CFAP54: variants seen among roughly 807,000 people sequenced by gnomAD.
CFAP54 encodes the protein cilia and flagella associated protein 54, also known as cilia- and flagella-associated protein 54.
CFAP54 carries 290 observed loss-of-function variants against 370.4 expected under a neutral mutation model. The observed-to-expected ratio is 0.78, with a 90% CI of 0.71 to 0.86. CFAP54 has a LOEUF of 0.86. Among genes scored for constraint, CFAP54 ranks in the 40% least tolerant of loss-of-function variants. The pLI is 0.00. For missense variants in CFAP54, 3,399 were observed against 3,528.7 expected (o/e 0.96, Z 0.93); for synonymous variants, 1,206 against 1,236.5 (o/e 0.98, Z 0.52).
chr12:96,527,758 G>A (rs951080744), intron 9 of CFAP54, among the ~76,000 whole-genome samples: 2 of 151,824 alleles, frequency 1.3e-5, no homozygotes, highest in African/African-American at 2.4e-5. Context: ...TTGTAGAGAC[G>A]GGGTCTCACC....
At chr12:96,548,947 C>T (rs1955667303) in intron 15 of CFAP54, among the ~76,000 whole-genome samples, 1 of 151,966 alleles carries the variant, frequency 6.6e-6, no homozygotes, top group Non-Finnish European at 1.5e-5. Context: ...CTCTGCCTTC[C>T]AGGTTCAAGC....
Position 96,598,628 on chromosome 12 carries a change from G to A in CFAP54, c.3517-17G>A. 2 of 598,568 alleles carry A rather than the reference G, an allele frequency of 3.3e-6. No individual in the cohort carries two copies. The highest frequency in any genetic ancestry group is 2.1e-5 in the South Asian group (1 of 48,130). 37.1% of individuals were successfully genotyped at this position (598,568 alleles called of 1,614,324 possible). A position where few individuals can be genotyped will look rare whatever the true frequency, so the allele number is the denominator to read the frequency against. ...ATGACATTTTAAAACAAAAATCATTGTGATTCTAATTTTTAGATCCTGATA... is the reference window on the plus strand; with the variant it reads ...ATGACATTTTAAAACAAAAATCATTATGATTCTAATTTTTAGATCCTGATA... On this transcript the variant is annotated splice_polypyrimidine_tract_variant and intron_variant, in intron 25 of 67. Transcript: ENST00000524981.
chr12:96,681,646 A>G (rs1957273181), intron 40 of CFAP54, among the ~76,000 whole-genome samples: 1 of 151,688 alleles, frequency 6.6e-6, no homozygotes, highest in East Asian at 1.9e-4. Flanking sequence ...GCTTACTGCA[A>G]ACTCTGCCTT....
chr12:96,525,665 A>T (rs926160769), intron 8 of CFAP54, among the ~76,000 whole-genome samples: 4 of 152,190 alleles, frequency 2.6e-5, no homozygotes, highest in Non-Finnish European at 5.9e-5. Flanking sequence ...CTGTAAGAAA[A>T]GAGAAGGTAG....
At chr12:96,505,028 CTCTT>C (rs1955081136) in intron 3 of CFAP54, among the ~76,000 whole-genome samples, 1 of 108,492 alleles carries the variant, frequency 9.2e-6, no homozygotes, top group South Asian at 2.8e-4. Context: ...TTCTTTTCTT[CTCTT>C]TCTTTCTTTT....
intron 11 of CFAP54, among the ~76,000 whole-genome samples, chr12:96,534,681 G>T (rs563467837): frequency 6.6e-6 from 1 of 152,134 alleles, no homozygotes; most frequent in Non-Finnish European, 1.5e-5. Context: ...GTTATTGTGT[G>T]TATAATTGAA....
intron 14 of CFAP54, among the ~76,000 whole-genome samples, chr12:96,546,495 G>T (rs1955641512): frequency 6.6e-6 from 1 of 152,054 alleles, no homozygotes; most frequent in Non-Finnish European, 1.5e-5. Context: ...TCAGCCAAGA[G>T]AATTTTTCTA....
chr12:96,525,079 G>A (rs1029432278), intron 8 of CFAP54, among the ~76,000 whole-genome samples: 1 of 151,890 alleles, frequency 6.6e-6, no homozygotes, highest in African/African-American at 2.4e-5. Context: ...TCCAAAATGA[G>A]TATTCCTATT....
intron 20 of CFAP54, 33 bp from the exon 21 acceptor site, chr12:96,580,564 C>G: frequency 2.4e-6 from 3 of 1,264,734 alleles, no homozygotes; most frequent in Non-Finnish European, 2.1e-6. Context: ...TAAAAGAATG[C>G]CTTTTAAACA....
intron 5 of CFAP54, among the ~76,000 whole-genome samples, chr12:96,516,114 A>G (rs1387526019): frequency 1.3e-5 from 2 of 151,628 alleles, no homozygotes; most frequent in African/African-American, 4.8e-5. Context: ...ACAGGGTTTC[A>G]CCTTGTTAGC....
intron 58 of CFAP54, among the ~76,000 whole-genome samples, chr12:96,763,347 C>G (rs1221098552): frequency 2.0e-5 from 3 of 152,068 alleles, no homozygotes; most frequent in Non-Finnish European, 4.4e-5. Flanking sequence ...AATACTATCT[C>G]TTTAATATTT....
chr12:96,803,154 T>C (rs1958840033), intron 63 of CFAP54, among the ~76,000 whole-genome samples: 1 of 152,182 alleles, frequency 6.6e-6, no homozygotes, highest in Admixed American at 6.5e-5. Flanking sequence ...GCATGTGTCT[T>C]TACAGTAGAA....
intron 58 of CFAP54, among the ~76,000 whole-genome samples, chr12:96,760,447 A>C (rs1318343304): frequency 6.6e-6 from 1 of 152,042 alleles, no homozygotes; most frequent in African/African-American, 2.4e-5. Flanking sequence ...TCCTGTTCCC[A>C]CCCCTAGTCC....
chr12:96,780,242 T>G (rs1418157923), intron 60 of CFAP54, among the ~76,000 whole-genome samples: 1 of 152,222 alleles, frequency 6.6e-6, no homozygotes, highest in Non-Finnish European at 1.5e-5. Context: ...GTGTTCAGTT[T>G]TAGAAATCTT....
chr12:96,529,941 C>T (rs75402626), intron 9 of CFAP54, among the ~76,000 whole-genome samples: 119 of 152,208 alleles, frequency 7.8e-4, no homozygotes, highest in African/African-American at 2.7e-3. Context: ...TGTTTTCTTC[C>T]ATAAGTTTTA....
intron 17 of CFAP54, among the ~76,000 whole-genome samples, chr12:96,563,762 A>G (rs773059593): frequency 6.6e-5 from 10 of 152,236 alleles, no homozygotes; most frequent in Non-Finnish European, 1.0e-4. Context: ...CTACCCTCGC[A>G]TATCTCCAAG....
At chr12:96,691,382 T>A (rs894691227) in intron 44 of CFAP54, 72 bp downstream of exon 44, 2 of 1,139,270 alleles carry the variant, frequency 1.8e-6, no homozygotes, top group Non-Finnish European at 2.4e-6. Flanking sequence ...ACTTTTAAAA[T>A]TTTGCTAATG....
intron 65 of CFAP54, among the ~76,000 whole-genome samples, chr12:96,818,293 TA>T (rs1249655532): frequency 6.6e-6 from 1 of 152,226 alleles, no homozygotes; most frequent in Admixed American, 6.5e-5. Context: ...AAAATATAGA[TA>T]AGCATATTTT....
chr12:96,800,169 C>T (rs1178961484), intron 63 of CFAP54, among the ~76,000 whole-genome samples: 1 of 152,078 alleles, frequency 6.6e-6, no homozygotes, highest in African/African-American at 2.4e-5. Context: ...GGGCAGTTTG[C>T]GGCAGGATAA....
Sources: gnomAD v4.1 joint callset for allele counts (sites outside exome capture counted in the v4.1 genomes callset) on GRCh38, gnomAD v4.1.1 for gene constraint, MANE v1.5 for transcripts, NCBI Gene and HGNC (gene_info 2026-07-23, HGNC 2026-07-21) for gene names.